Variants in MORF4L1 observed in about 807,000 individuals in gnomAD.
MORF4L1 encodes mortality factor 4 like 1.
Under a neutral mutation model 52.9 loss-of-function variants are expected in MORF4L1, and 4 were observed. The ratio of observed to expected loss-of-function variants is 0.08; its 90% confidence interval spans 0.04 to 0.17. The LOEUF is 0.17. Ranked by LOEUF, MORF4L1 falls within the 10% of genes least tolerant of loss-of-function variation. MORF4L1 has a pLI of 1.00. For synonymous variants in MORF4L1, 123 were observed against 134.8 expected, an observed-to-expected ratio of 0.91 and a Z score of 0.61; for missense variants, 214 against 390.4, an observed-to-expected ratio of 0.55 and a Z score of 3.81.
intron 1 of MORF4L1, among the ~76,000 whole-genome samples, chr15:78,875,795 A>G (rs1411869238): frequency 2.0e-5 from 3 of 152,098 alleles, no homozygotes; most frequent in African/African-American, 7.3e-5. Context: ...CAAAAAAAAA[A>G]AAAATTTATT....
chr15:78,881,985 C>G (rs910099307), intron 3 of MORF4L1, among the ~76,000 whole-genome samples: 3 of 152,080 alleles, frequency 2.0e-5, no homozygotes, highest in Non-Finnish European at 4.4e-5. Flanking sequence ...GGTGACCAAC[C>G]CAGTTAATTT....
At chr15:78,882,080 T>C (rs2056612695) in intron 3 of MORF4L1, among the ~76,000 whole-genome samples, 1 of 152,192 alleles carries the variant, frequency 6.6e-6, no homozygotes, top group Non-Finnish European at 1.5e-5. Flanking sequence ...TTAATATAAA[T>C]GTGGAAAGGT....
At chr15:78,886,279 T>G (rs1398130019) in intron 4 of MORF4L1, 52 bp downstream of exon 4, 16 of 1,445,776 alleles carry the variant, frequency 1.1e-5, no homozygotes, top group Non-Finnish European at 1.5e-5. Context: ...GTAGATTAAT[T>G]CTGGACATGG....
At chr15:78,896,227 C>T (rs766933172) in intron 11 of MORF4L1, among the ~76,000 whole-genome samples, 5 of 151,898 alleles carry the variant, frequency 3.3e-5, no homozygotes, top group Middle Eastern at 3.4e-3. Flanking sequence ...TTTTGTGCCT[C>T]GGCCCCCCAA....
chr15:78,874,855 C>T (rs965652702), intron 1 of MORF4L1, among the ~76,000 whole-genome samples: 9 of 142,246 alleles, frequency 6.3e-5, no homozygotes, highest in Non-Finnish European at 1.4e-4. Flanking sequence ...TTAATTGAGA[C>T]GGTGCGTGAA....
chr15:78,876,112 A>G (rs889345752), intron 1 of MORF4L1, among the ~76,000 whole-genome samples: 2 of 151,638 alleles, frequency 1.3e-5, no homozygotes, highest in Admixed American at 6.6e-5. Context: ...TAATTTTTGT[A>G]TTTTTAGTAG....
chr15:78,896,707 C>G (rs2056896653), intron 11 of MORF4L1, among the ~76,000 whole-genome samples: 1 of 152,106 alleles, frequency 6.6e-6, no homozygotes, highest in South Asian at 2.1e-4. Flanking sequence ...TTCAAGCTCC[C>G]AAGTTGGTAT....
intron 3 of MORF4L1, among the ~76,000 whole-genome samples, chr15:78,880,830 A>G (rs1030785398): frequency 2.0e-5 from 3 of 150,380 alleles, no homozygotes; most frequent in Admixed American, 1.3e-4. Flanking sequence ...CATATAGTCA[A>G]TCAATTATTC....
At chr15:78,879,132 A>T (rs906970813) in intron 2 of MORF4L1, among the ~76,000 whole-genome samples, 1 of 152,152 alleles carries the variant, frequency 6.6e-6, no homozygotes, top group African/African-American at 2.4e-5. Context: ...GCTACTCAGA[A>T]GGCTGAGGCT....
At chr15:78,876,719 G>A (rs1190573278) in intron 1 of MORF4L1, 1 of 347,732 alleles carries the variant, frequency 2.9e-6, no homozygotes, top group Non-Finnish European at 5.8e-6. Flanking sequence ...TGGGCCGTTG[G>A]AGAAGTCTTT....
intron 1 of MORF4L1, chr15:78,873,337 A>G: frequency 3.2e-6 from 3 of 923,602 alleles, no homozygotes; most frequent in Non-Finnish European, 4.3e-6. Flanking sequence ...GTTCTGAGGA[A>G]GAGGGCGCGG....
At position 78,885,438 on chromosome 15, in the gene MORF4L1, C is replaced by T. The variant is rs146344082; in HGVS notation, c.156-703C>T. 2.3e-3 allele frequency among the ~76,000 whole-genome samples: 343 copies of T among 152,310 alleles called. 2 individuals are homozygous for T. Among genetic ancestry groups the T allele is most frequent in the African/African-American group, 7.9e-3 (330 of 41,566 alleles). The stretch of plus-strand genomic sequence containing the variant: ...ACATTTTTGAGAGAGTTGGTTCTGC[C>T]TTCTAATATTTAGAAAGCCAGCTTT... On this transcript the variant is annotated intron_variant, in intron 3 of 11. Transcript: ENST00000426013.
chr15:78,884,376 C>T (rs2056658043), intron 3 of MORF4L1, among the ~76,000 whole-genome samples: 1 of 151,942 alleles, frequency 6.6e-6, no homozygotes, highest in African/African-American at 2.4e-5. Flanking sequence ...TAGTGGCGCG[C>T]ACCTGTAGTC....
intron 4 of MORF4L1, among the ~76,000 whole-genome samples, chr15:78,886,922 T>C (rs1195882747): frequency 2.0e-5 from 3 of 148,022 alleles, no homozygotes; most frequent in African/African-American, 7.5e-5. Flanking sequence ...GCCACTGCAG[T>C]GTAGCCTGGG....
intron 3 of MORF4L1, among the ~76,000 whole-genome samples, chr15:78,881,004 A>G (rs1016364076): frequency 1.3e-5 from 2 of 152,152 alleles, no homozygotes; most frequent in Middle Eastern, 3.4e-3. Flanking sequence ...CTGTCTAGAA[A>G]AGGGGAAAGG....
At chr15:78,895,814 A>C (rs1453616505) in intron 11 of MORF4L1, among the ~76,000 whole-genome samples, 4 of 152,218 alleles carry the variant, frequency 2.6e-5, no homozygotes, top group Non-Finnish European at 5.9e-5. Flanking sequence ...TTCTCATTAC[A>C]ATCGTTTTAC....
chr15:78,891,698 TTC>T (rs1200330638), intron 7 of MORF4L1, 126 bp downstream of exon 7: 1 of 735,832 alleles, frequency 1.4e-6, no homozygotes, highest in African/African-American at 1.8e-5. Context: ...ATTAAAAATT[TTC>T]TCTTTTGGGG....
At chr15:78,896,782 G>A (rs143367093) in intron 11 of MORF4L1, among the ~76,000 whole-genome samples, 1 of 152,274 alleles carries the variant, frequency 6.6e-6, no homozygotes, top group East Asian at 1.9e-4. Context: ...TCATTCCTTT[G>A]TATATGTATA....
At chr15:78,887,859 A>C (rs564345039) in intron 5 of MORF4L1, among the ~76,000 whole-genome samples, 1 of 152,194 alleles carries the variant, frequency 6.6e-6, no homozygotes, top group East Asian at 1.9e-4. Context: ...GCTCACTGCA[A>C]CCTCTGCCTC....
Sources: gnomAD v4.1 joint callset for allele counts (sites outside exome capture counted in the v4.1 genomes callset) on GRCh38, gnomAD v4.1.1 for gene constraint, MANE v1.5 for transcripts, NCBI Gene and HGNC (gene_info 2026-07-23, HGNC 2026-07-21) for gene names.